Variants in MID2 observed in about 807,000 individuals in gnomAD.
MID2 encodes the protein midline 2, also known as probable E3 ubiquitin-protein ligase MID2.
In MID2, 13 loss-of-function variants were observed where a neutral mutation model predicts 46.1. That is an observed-to-expected ratio of 0.28 (90% confidence interval 0.18 to 0.45). MID2 has a LOEUF of 0.45. Ranked by LOEUF, MID2 falls within the 20% of genes least tolerant of loss-of-function variation. MID2 has a pLI of 1.00. For synonymous variants in MID2, 199 were observed against 212.3 expected, an observed-to-expected ratio of 0.94 and a Z score of 0.55; for missense variants, 431 against 575.4, an observed-to-expected ratio of 0.75 and a Z score of 2.57.
chrX:107,892,670 C>T (rs143835851), intron 3 of MID2, among the ~76,000 whole-genome samples: 2 of 111,878 alleles, frequency 1.8e-5, no homozygotes, highest in African/African-American at 6.5e-5. Flanking sequence ...CCCCTACCTA[C>T]CTCTCTAGCA....
At chrX:107,836,951 T>G (rs757987343) in intron 1 of MID2, among the ~76,000 whole-genome samples, 73 of 112,065 alleles carry the variant, frequency 6.5e-4, no homozygotes, top group African/African-American at 2.3e-3. Context: ...ATGATTGGGT[T>G]TTTTTCTTTC....
intron 1 of MID2, among the ~76,000 whole-genome samples, chrX:107,835,776 G>T (rs1331118337): frequency 8.9e-6 from 1 of 111,864 alleles, no homozygotes. Flanking sequence ...ATAATAATAT[G>T]ATTTGCAAAT....
At chrX:107,908,190 G>A (rs979586959) in intron 5 of MID2, among the ~76,000 whole-genome samples, 24 of 111,694 alleles carry the variant, frequency 2.1e-4, no homozygotes, top group African/African-American at 6.8e-4. Context: ...CCTTACATTG[G>A]TAGTTTTAAT....
At chrX:107,903,846 T>G in intron 3 of MID2, 112 bp from the exon 4 acceptor site, 1 of 514,356 alleles carries the variant, frequency 1.9e-6, no homozygotes, top group Non-Finnish European at 3.5e-6. Context: ...GTGGATCTTA[T>G]GAGGGAGGTA....
chrX:107,868,283 A>T (rs1161976831), intron 3 of MID2, among the ~76,000 whole-genome samples: 1 of 112,042 alleles, frequency 8.9e-6, no homozygotes, highest in Non-Finnish European at 1.9e-5. Flanking sequence ...AGTTGGAATG[A>T]TCAGCAGGAA....
chrX:107,846,175 G>A (rs1931472309), intron 2 of MID2, among the ~76,000 whole-genome samples: 1 of 111,094 alleles, frequency 9.0e-6, no homozygotes, highest in African/African-American at 3.3e-5. Flanking sequence ...CCCATCCTGA[G>A]GCTAAGGATC....
At chrX:107,853,279 T>C (rs1226510657) in intron 2 of MID2, among the ~76,000 whole-genome samples, 1 of 111,209 alleles carries the variant, frequency 9.0e-6, no homozygotes, top group Non-Finnish European at 1.9e-5. Context: ...AATGATGATA[T>C]GCAATGGATA....
intron 1 of MID2, among the ~76,000 whole-genome samples, chrX:107,837,535 G>GT (rs1313901325): frequency 3.5e-5 from 3 of 86,700 alleles, no homozygotes; most frequent in Non-Finnish European, 6.3e-5. Context: ...GAAACATGCT[G>GT]TTTAAAAAAA....
At chrX:107,907,141 A>G (rs1350479564) in intron 5 of MID2, among the ~76,000 whole-genome samples, 1 of 112,072 alleles carries the variant, frequency 8.9e-6, no homozygotes, top group African/African-American at 3.2e-5. Context: ...CCATTCCTAT[A>G]TTTGAGTTGC....
intron 5 of MID2, among the ~76,000 whole-genome samples, chrX:107,909,243 C>T (rs781772610): frequency 9.9e-5 from 11 of 111,335 alleles, no homozygotes; most frequent in Non-Finnish European, 1.7e-4. Flanking sequence ...AATTTTTCTC[C>T]ACTACTGAGG....
chrX:107,867,368 G>A (rs903740972), intron 3 of MID2, among the ~76,000 whole-genome samples: 33 of 98,196 alleles, frequency 3.4e-4, no homozygotes, highest in African/African-American at 1.0e-3. Flanking sequence ...TCACCTTGTT[G>A]GCCAGGATGG....
rs746343761 is a variant in MID2, at chrX:107,927,039, C to T, written c.2174C>T (p.Ser725Phe). 2 of 1,205,510 alleles carry T rather than the reference C, an allele frequency of 1.7e-6. No individual in the cohort carries two copies. The highest frequency in any genetic ancestry group is 3.5e-5 in the African/African-American group (2 of 56,946). ...GAATGCAACTGCAGGCCTCAAGAAT[C>T]CCCTTATGTTTCTGGGATGAAAACC... ...RQECNCRPQE[S>F]PYVSGMKTCH is the part of the protein sequence containing the mutation. Residue 725 changes from serine (S) to phenylalanine (F), a missense_variant, in exon 10 of 10, where the codon TCC becomes TTC. Transcript: ENST00000262843.
chrX:107,898,156 A>T (rs891040014), intron 3 of MID2, among the ~76,000 whole-genome samples: 16 of 111,482 alleles, frequency 1.4e-4, no homozygotes, highest in African/African-American at 4.9e-4. Context: ...TAAGATGTCA[A>T]TTAACAATTC....
At chrX:107,840,199 A>G (rs183543869) in intron 1 of MID2, among the ~76,000 whole-genome samples, 160 of 111,926 alleles carry the variant, frequency 1.4e-3, no homozygotes, top group African/African-American at 5.1e-3. Context: ...GGAAGTAGAG[A>G]GTTACTTTAA....
chrX:107,866,422 AACACACACACACACACAC>A (rs57100746), intron 3 of MID2, among the ~76,000 whole-genome samples: 22 of 81,198 alleles, frequency 2.7e-4, no homozygotes, highest in South Asian at 8.1e-4. Flanking sequence ...AGCCACTGAA[AACACACACACACACACAC>A]ACACACACAC....
chrX:107,881,580 G>A (rs984256172), intron 3 of MID2, among the ~76,000 whole-genome samples: 1 of 111,805 alleles, frequency 8.9e-6, no homozygotes, highest in African/African-American at 3.3e-5. Context: ...CACTGTACAG[G>A]GATCTGCCTT....
intron 6 of MID2, among the ~76,000 whole-genome samples, chrX:107,916,439 A>G (rs902235912): frequency 8.9e-6 from 1 of 112,220 alleles, no homozygotes; most frequent in African/African-American, 3.2e-5. Flanking sequence ...TTATGAGAGT[A>G]GAACTCAGGT....
chrX:107,909,228 G>C (rs1932863546), intron 5 of MID2, among the ~76,000 whole-genome samples: 1 of 111,534 alleles, frequency 9.0e-6, no homozygotes, highest in Non-Finnish European at 1.9e-5. Flanking sequence ...GTTTAGTCTA[G>C]AGACAATTTT....
chrX:107,903,858 G>A (rs1415970993), intron 3 of MID2, 100 bp from the exon 4 acceptor site: 1 of 547,756 alleles, frequency 1.8e-6, no homozygotes, highest in Non-Finnish European at 3.2e-6. Flanking sequence ...AGGGAGGTAT[G>A]GAAGAAGTTG....
Sources: allele counts gnomAD v4.1 joint callset (sites outside exome capture counted in the v4.1 genomes callset), GRCh38; gene constraint gnomAD v4.1.1; transcripts MANE v1.5; gene names NCBI Gene and HGNC (gene_info 2026-07-23, HGNC 2026-07-21).